LRRC9: variants seen among roughly 807,000 people sequenced by gnomAD.
LRRC9 encodes the protein leucine rich repeat containing 9, also known as leucine-rich repeat-containing protein 9.
Under a neutral mutation model 63.2 loss-of-function variants are expected in LRRC9, and 122 were observed. The observed-to-expected ratio is 1.93, with a 90% CI of 1.67 to 2.24. LRRC9 has a LOEUF of 2.24. Among genes scored for constraint, LRRC9 ranks in the 30% most tolerant of loss-of-function variants. LRRC9 has a pLI of 0.00. For missense variants in LRRC9, 1,071 were observed against 627.7 expected (o/e 1.71, Z -7.55); for synonymous variants, 366 against 213.1 (o/e 1.72, Z -6.25).
Position 60,017,888 on chromosome 14 carries a change from C to G in LRRC9, c.3318-483C>G, listed in dbSNP as rs1173427524. Among the ~76,000 whole-genome samples, 2 of 152,070 alleles carry G rather than the reference C, an allele frequency of 1.3e-5. No homozygotes were observed. The highest frequency in any genetic ancestry group is 2.4e-5 in the African/African-American group (1 of 41,436). On this transcript the variant is annotated intron_variant, in intron 24 of 31. Coordinates refer to ENST00000445360, the Ensembl canonical transcript of LRRC9. This position sits in a 1 kb window ranked among gnomAD's most constrained non-coding sequence, Gnocchi z 4.0. Reference sequence around the variant, plus strand: ...CCATAAAAGTTTCCAGAAGATACCACAGAAACTCTATTTTCAAAGACCTTA... The same window carrying G: ...CCATAAAAGTTTCCAGAAGATACCAGAGAAACTCTATTTTCAAAGACCTTA...
intron 19 of LRRC9, among the ~76,000 whole-genome samples, chr14:60,001,052 T>G (rs1379828753): frequency 6.6e-6 from 1 of 152,108 alleles, no homozygotes; most frequent in Non-Finnish European, 1.5e-5. Context: ...TTTGCCAGTT[T>G]TATAGATGAG....
chr14:59,970,542 C>CTGAAT (rs1566828139), intron 12 of LRRC9, among the ~76,000 whole-genome samples: 1 of 152,188 alleles, frequency 6.6e-6, no homozygotes, highest in Non-Finnish European at 1.5e-5. Context: ...ATTTACACTT[C>CTGAAT]CATCAACAGT....
chr14:59,992,270 A>C (rs186686257), intron 17 of LRRC9, among the ~76,000 whole-genome samples: 1 of 152,312 alleles, frequency 6.6e-6, no homozygotes, highest in Admixed American at 6.5e-5. Context: ...TAGAAGGAAA[A>C]CTAACAAACA....
chr14:60,046,406 T>G (rs2140406322), intron 29 of LRRC9, among the ~76,000 whole-genome samples: 1 of 152,332 alleles, frequency 6.6e-6, no homozygotes, highest in Non-Finnish European at 1.5e-5. Flanking sequence ...TAGTTTTGGA[T>G]TTTACATTAA....
intron 29 of LRRC9, among the ~76,000 whole-genome samples, chr14:60,049,368 AGT>A (rs1161979226): frequency 6.6e-6 from 1 of 152,128 alleles, no homozygotes; most frequent in Non-Finnish European, 1.5e-5. Context: ...TGTGTACTTC[AGT>A]GTGTTTTTGT....
At chr14:60,019,699 C>CT (rs200397222) in intron 26 of LRRC9, among the ~76,000 whole-genome samples, 2,075 of 151,026 alleles carry the variant, frequency 0.014, 111 homozygotes, top group Admixed American at 0.098. Flanking sequence ...TGGACGTGGG[C>CT]TTTTTTTTCA....
chr14:59,982,176 T>C, intron 16 of LRRC9, 116 bp downstream of exon 16: 1 of 591,070 alleles, frequency 1.7e-6, no homozygotes. Flanking sequence ...GGTACAATGC[T>C]ACCTAAAGCG....
At chr14:59,973,706 C>A (rs1190757139) in intron 12 of LRRC9, among the ~76,000 whole-genome samples, 1 of 151,744 alleles carries the variant, frequency 6.6e-6, no homozygotes, top group Non-Finnish European at 1.5e-5. Context: ...TATTTTCAAT[C>A]CATGGTTGGT....
At chr14:59,954,510 T>C (rs1883520423) in intron 8 of LRRC9, among the ~76,000 whole-genome samples, 1 of 152,236 alleles carries the variant, frequency 6.6e-6, no homozygotes, top group Admixed American at 6.5e-5. Flanking sequence ...ACATTGATTT[T>C]ATATCCTGAG....
In LRRC9 at chr14:59,930,135, T is replaced by C. The variant is rs546909343; in HGVS notation, c.268-783T>C. Reference sequence around the variant, plus strand: ...AAAACAGAAATAAGGGATTAAAACATAAACATATTCTACTTTTTAGTAATC... The same window carrying C: ...AAAACAGAAATAAGGGATTAAAACACAAACATATTCTACTTTTTAGTAATC... On this transcript the variant is annotated intron_variant, in intron 3 of 31. Transcript: ENST00000445360. The surrounding 1 kb of genome is among the most constrained non-coding windows in gnomAD (Gnocchi z 4.9). Among the ~76,000 whole-genome samples the C allele has an allele frequency of 1.3e-5, 2 of 152,130 alleles. No individual in the cohort carries two copies. Among genetic ancestry groups the C allele is most frequent in the South Asian group, 4.1e-4 (2 of 4,822 alleles).
chr14:60,002,934 G>T (rs1187141163), intron 20 of LRRC9, among the ~76,000 whole-genome samples: 1 of 152,218 alleles, frequency 6.6e-6, no homozygotes, highest in African/African-American at 2.4e-5. Context: ...TGACAAGGGA[G>T]TAGGGGAGCT....
At chr14:59,982,613 A>G (rs1363948718) in intron 16 of LRRC9, among the ~76,000 whole-genome samples, 2 of 114,794 alleles carry the variant, frequency 1.7e-5, no homozygotes, top group African/African-American at 5.5e-5. Context: ...TAATCCATTC[A>G]TGAAGGCAGA....
At chr14:59,985,971 T>G (rs1887430811) in intron 17 of LRRC9, among the ~76,000 whole-genome samples, 1 of 152,084 alleles carries the variant, frequency 6.6e-6, no homozygotes, top group Non-Finnish European at 1.5e-5. Context: ...CTCTTCTTTC[T>G]TTCTTTCTCA....
Position 59,990,331 on chromosome 14 carries a change from T to C in LRRC9, c.2211+5107T>C, listed in dbSNP as rs17834322. Among the ~76,000 whole-genome samples the C allele has an allele frequency of 0.058, 8,877 of 152,284 alleles. 375 individuals are homozygous for C. Among genetic ancestry groups the C allele is most frequent in the Middle Eastern group, 0.099 (29 of 294 alleles). On this transcript the variant is annotated intron_variant, in intron 17 of 31. Transcript: ENST00000445360. The surrounding 1 kb of genome is among the most constrained non-coding windows in gnomAD (Gnocchi z 4.2). Reference sequence around the variant, plus strand: ...AAGGATTCTGTCTTGAAGAGAGTCCTAGTGGAATAGTTTTTAGATTCACAG... The same window carrying C: ...AAGGATTCTGTCTTGAAGAGAGTCCCAGTGGAATAGTTTTTAGATTCACAG...
At chr14:60,063,994 C>G (rs1037805525), downstream of LRRC9, among the ~76,000 whole-genome samples, 2 of 152,068 alleles carry the variant, frequency 1.3e-5, no homozygotes, top group Non-Finnish European at 2.9e-5. Flanking sequence ...CTAAATGTGG[C>G]TAACCGTGGG....
chr14:60,056,069 CCCCTTCT>C (rs1416981732), intron 30 of LRRC9, among the ~76,000 whole-genome samples: 1 of 152,186 alleles, frequency 6.6e-6, no homozygotes, highest in Non-Finnish European at 1.5e-5. Context: ...ATGATCACTT[CCCCTTCT>C]CTCTGACCTT....
chr14:60,024,552 C>G (rs1386997781), intron 27 of LRRC9, among the ~76,000 whole-genome samples: 1 of 151,894 alleles, frequency 6.6e-6, no homozygotes, highest in Admixed American at 6.6e-5. Flanking sequence ...CAAAGACAGG[C>G]CTTTCTAGAC....
In LRRC9 at chr14:59,923,975, A is replaced by C. The variant is rs1888995711; in HGVS notation, c.-33-3936A>C. Among the ~76,000 whole-genome samples, 1 of 152,194 alleles carries C rather than the reference A, an allele frequency of 6.6e-6. No individual in the cohort carries two copies. Among genetic ancestry groups the C allele is most frequent in the Admixed American group, 6.5e-5 (1 of 15,284 alleles). ...CAACAATAACAACAACAAAAAACAGATACTCGTGCAGGAATAGTCAGAGCT... is the reference window on the plus strand; with the variant it reads ...CAACAATAACAACAACAAAAAACAGCTACTCGTGCAGGAATAGTCAGAGCT... On this transcript the variant is annotated intron_variant, in intron 1 of 31. Coordinates refer to ENST00000445360, the Ensembl canonical transcript of LRRC9. The surrounding 1 kb of genome is among the most constrained non-coding windows in gnomAD (Gnocchi z 4.2).
At chr14:59,940,030 G>C (rs759163747) in intron 7 of LRRC9, among the ~76,000 whole-genome samples, 7 of 152,092 alleles carry the variant, frequency 4.6e-5, no homozygotes, top group African/African-American at 1.7e-4. Flanking sequence ...TTGGGTAGAA[G>C]AGAAGGAGCC....
Sources: allele counts gnomAD v4.1 joint callset (sites outside exome capture counted in the v4.1 genomes callset), GRCh38; gene constraint gnomAD v4.1.1; non-coding constraint Gnocchi (gnomAD v3.1); transcripts MANE v1.5; gene names NCBI Gene and HGNC (gene_info 2026-07-23, HGNC 2026-07-21).